Variants in VWA5B1 observed in about 807,000 individuals in gnomAD.
VWA5B1 encodes the protein von Willebrand factor A domain-containing protein 5B1.
VWA5B1 carries 115 observed loss-of-function variants against 118.2 expected under a neutral mutation model. The ratio of observed to expected loss-of-function variants is 0.97; its 90% CI spans 0.84 to 1.14. The LOEUF is 1.14. Ranked by LOEUF, VWA5B1 falls within the 50% of genes most tolerant of loss-of-function variation. The pLI is 0.00. For missense variants in VWA5B1, 1,596 were observed against 1,603.8 expected (o/e 1.00, Z 0.08); for synonymous variants, 682 against 658.4 (o/e 1.04, Z -0.55).
chr1:20,292,480 A>G (rs1435058007), intron 1 of VWA5B1, among the ~76,000 whole-genome samples: 1 of 152,186 alleles, frequency 6.6e-6, no homozygotes, highest in East Asian at 1.9e-4. Flanking sequence ...ATGTGTGTGT[A>G]AGGGGATTAC....
intron 14 of VWA5B1, chr1:20,338,421 C>T (rs1368392351): frequency 1.4e-5 from 3 of 216,960 alleles, no homozygotes; most frequent in East Asian, 2.4e-4. Context: ...GCCATCTCAG[C>T]TCACTGCAAC....
rs947387256 is a variant in VWA5B1 at position 20,323,552 on chromosome 1, C to A, written c.1143+20C>A. The A allele has an allele frequency of 7.3e-7, 1 of 1,377,182 alleles. No individual in the cohort carries two copies. Among genetic ancestry groups the A allele is most frequent in the Non-Finnish European group, 9.5e-7 (1 of 1,055,508 alleles). The allele number at this position is 1,377,182 out of a possible 1,614,324, so 85.3% of individuals were successfully genotyped here. A position where few individuals can be genotyped will look rare whatever the true frequency, so the allele number is the denominator to read the frequency against. On this transcript the variant is annotated intron_variant, in intron 8 of 21. Transcript: ENST00000289815. ...GTCAAGGTACCTGCTGAGAGAACCC[C>A]TCCCGAGGACCCGGGGCTCCAGGGG... is the stretch of plus-strand genomic sequence containing the variant.
At chr1:20,331,128 G>A in intron 11 of VWA5B1, 145 bp downstream of exon 11, 1 of 693,684 alleles carries the variant, frequency 1.4e-6, no homozygotes, top group Non-Finnish European at 2.4e-6. Context: ...ATGAGAACCA[G>A]AGACTTGCAA....
chr1:20,313,343 TC>T (rs2088905750), intron 3 of VWA5B1, among the ~76,000 whole-genome samples: 1 of 152,240 alleles, frequency 6.6e-6, no homozygotes. Flanking sequence ...GGATTTGACT[TC>T]CTTTCCTGTT....
chr1:20,335,534 A>G (rs915696235), intron 12 of VWA5B1, among the ~76,000 whole-genome samples: 2 of 152,196 alleles, frequency 1.3e-5, no homozygotes, highest in Non-Finnish European at 2.9e-5. Flanking sequence ...CACATATGAC[A>G]TTTGACTCTC....
At chr1:20,308,931 C>A (rs191687895) in intron 1 of VWA5B1, among the ~76,000 whole-genome samples, 41 of 152,284 alleles carry the variant, frequency 2.7e-4, no homozygotes, top group African/African-American at 9.1e-4. Flanking sequence ...CCCAGGGAAG[C>A]TTTGCCTGGC....
intron 20 of VWA5B1, among the ~76,000 whole-genome samples, chr1:20,351,616 C>A (rs1033523394): frequency 1.3e-5 from 2 of 152,114 alleles, no homozygotes; most frequent in Non-Finnish European, 2.9e-5. Context: ...TGCTCCACTG[C>A]ACTCCAGCCT....
chr1:20,300,171 A>G (rs1197821524), intron 1 of VWA5B1, among the ~76,000 whole-genome samples: 4 of 152,212 alleles, frequency 2.6e-5, no homozygotes, highest in African/African-American at 9.6e-5. Context: ...GAGCTGCTTC[A>G]TAGGGTCTTT....
At chr1:20,338,025 C>A (rs746106314) in intron 14 of VWA5B1, 189 bp downstream of exon 14, 57 of 749,948 alleles carry the variant, frequency 7.6e-5, no homozygotes, top group Non-Finnish European at 1.1e-4. Flanking sequence ...GGACACCCAC[C>A]GGTCAATAAG....
At position 20,358,363 on chromosome 1, in the gene VWA5B1, G is replaced by T. The variant is rs1007343890; in HGVS notation, c.*4100G>T. 2.4e-4 allele frequency among the ~76,000 whole-genome samples: 36 copies of T among 152,216 alleles called. No homozygotes were observed. Among genetic ancestry groups the T allele is most frequent in the African/African-American group, 6.5e-4 (27 of 41,452 alleles). On this transcript the variant is annotated 3_prime_UTR_variant, in exon 22 of 22. Transcript: ENST00000289815. ...GGAAGTTTCCTCTAGATCCTGACTT[G>T]CCCTCTGTTAATCCCTACCCTTATT...
At chr1:20,333,941 TA>T (rs1265319152) in intron 12 of VWA5B1, among the ~76,000 whole-genome samples, 1 of 152,150 alleles carries the variant, frequency 6.6e-6, no homozygotes, top group South Asian at 2.1e-4. Context: ...GGACTTGGTG[TA>T]AAAATAAAAG....
At position 20,353,921 on chromosome 1, in the gene VWA5B1, C is replaced by T; in HGVS notation, c.3306C>T (p.Cys1102=). Residue 1102 remains cysteine, a synonymous_variant, in exon 22 of 22, where the codon TGC becomes TGT. Coordinates refer to ENST00000289815, the MANE Select transcript of VWA5B1 (RefSeq NM_001039500.3). ...SESKTPSPQL[C]TSSPPRHPSC... is the part of the protein sequence containing the mutation. ...CCAAGACCCCGAGTCCCCAGCTGTG[C>T]ACCAGCTCCCCGCCTAGGCACCCGT... is the stretch of plus-strand genomic sequence containing the variant. 6.5e-7 allele frequency: 1 copy of T among 1,549,312 alleles called. No homozygotes were observed.
At position 20,323,424 on chromosome 1, in the gene VWA5B1, T is replaced by C. The variant is rs527963213; in HGVS notation, c.1035T>C (p.Cys345=). The C allele has an allele frequency of 3.3e-6, 5 of 1,535,782 alleles. No individual in the cohort carries two copies. In the South Asian group the frequency reaches 6.2e-5, roughly 19 times the overall value. ...PHHSVIMLNF[C]PDLQSVQPCL... The stretch of plus-strand genomic sequence containing the variant: ...ACTCCGTCATCATGCTCAACTTCTG[T>C]CCCGACCTCCAGTCAGTCCAGCCGT... Residue 345 remains cysteine (C), a synonymous_variant, in exon 8 of 22, where the codon TGT becomes TGC. Transcript: ENST00000289815.
At chr1:20,328,703 C>T (rs1381658227) in intron 9 of VWA5B1, among the ~76,000 whole-genome samples, 3 of 152,176 alleles carry the variant, frequency 2.0e-5, no homozygotes, top group African/African-American at 7.2e-5. Flanking sequence ...AGCCTAGGAG[C>T]TTTGACTCCA....
chr1:20,299,131 A>C (rs750607009), intron 1 of VWA5B1, among the ~76,000 whole-genome samples: 2 of 152,230 alleles, frequency 1.3e-5, no homozygotes, highest in Non-Finnish European at 2.9e-5. Context: ...GACCCAATGG[A>C]GGAGTTTGTG....
At position 20,348,368 on chromosome 1, in the gene VWA5B1, A is replaced by T; in HGVS notation, c.2878+10A>T. Reference sequence around the variant, plus strand: ...TCGGCACCAGGAAATGGTAAATTTCAGGCCCTAAGTAAGAGCCACCCTGGG... The same window carrying T: ...TCGGCACCAGGAAATGGTAAATTTCTGGCCCTAAGTAAGAGCCACCCTGGG... On this transcript the variant is annotated intron_variant, in intron 18 of 21. Transcript: ENST00000289815. 2 of 1,551,580 alleles carry T rather than the reference A, an allele frequency of 1.3e-6. No homozygotes were observed. Among genetic ancestry groups the T allele is most frequent in the Non-Finnish European group, 1.7e-6 (2 of 1,147,004 alleles).
intron 7 of VWA5B1, among the ~76,000 whole-genome samples, chr1:20,321,480 G>A (rs2089214186): frequency 6.6e-6 from 1 of 152,240 alleles, no homozygotes; most frequent in African/African-American, 2.4e-5. Flanking sequence ...AGCTACTCGG[G>A]AGGCTGAGGC....
In VWA5B1 at chr1:20,357,526, T is replaced by C. The variant is rs1333421906; in HGVS notation, c.*3263T>C. On this transcript the variant is annotated 3_prime_UTR_variant, in exon 22 of 22. Coordinates refer to ENST00000289815, the MANE Select transcript of VWA5B1 (RefSeq NM_001039500.3). ...CTAGGTCGCAAAATGCTGGTCTAGA[T>C]CTCTCTTAGGGCTCCTGCGGCACTG... Among the ~76,000 whole-genome samples the C allele has an allele frequency of 6.6e-6, 1 of 152,202 alleles. No homozygotes were observed. The highest frequency in any genetic ancestry group is 1.9e-4 in the East Asian group (1 of 5,186).
chr1:20,326,458 G>GT (rs1344314413), intron 8 of VWA5B1, among the ~76,000 whole-genome samples: 1 of 152,004 alleles, frequency 6.6e-6, no homozygotes, highest in South Asian at 2.1e-4. Flanking sequence ...GAACTGTGGG[G>GT]TTTTTTTGTT....
Sources: allele counts gnomAD v4.1 joint callset (sites outside exome capture counted in the v4.1 genomes callset), GRCh38; gene constraint gnomAD v4.1.1; transcripts MANE v1.5; gene names NCBI Gene and HGNC (gene_info 2026-07-23, HGNC 2026-07-21).